The following SMC4 variants were observed in gnomAD, a reference collection of about 807,000 sequenced individuals.
SMC4 encodes structural maintenance of chromosomes protein 4.
Under a neutral mutation model 145.6 loss-of-function variants are expected in SMC4, and 87 were observed. The ratio of observed to expected loss-of-function variants is 0.60; its 90% CI spans 0.50 to 0.71. The LOEUF (loss-of-function observed/expected upper bound fraction) is 0.71. SMC4 is among the 30% of genes least tolerant of loss of function. SMC4 has a pLI of 0.00. For missense variants in SMC4, 1,447 were observed against 1,537.1 expected (o/e 0.94, Z 0.98); for synonymous variants, 558 against 500.7 (o/e 1.11, Z -1.53).
At chr3:160,400,336 C>T (rs1412876522) in intron 1 of SMC4, 1 of 152,484 alleles carries the variant, frequency 6.6e-6, no homozygotes, top group African/African-American at 2.4e-5. Context: ...GGCGGCGAGT[C>T]GCCAGTTAGT....
At chr3:160,403,805 G>GT (rs1335162662) in intron 4 of SMC4, among the ~76,000 whole-genome samples, 2 of 152,122 alleles carry the variant, frequency 1.3e-5, no homozygotes, top group African/African-American at 4.8e-5. Flanking sequence ...TTAAAAATCT[G>GT]TTTAAAAGAA....
intron 18 of SMC4, among the ~76,000 whole-genome samples, chr3:160,430,117 T>C (rs751235932): frequency 3.3e-4 from 50 of 152,132 alleles, no homozygotes; most frequent in South Asian, 6.2e-4. Context: ...AGAAAAAATT[T>C]TAACAAATTG....
rs1202134165 is a variant in SMC4 at position 160,414,261 on chromosome 3, T to C, written c.1122-106T>C. ...AGGAGAGTTTTAGGATCCTGCCTTA[T>C]TAAGAGCCTGGACATATTTATAGAG... is the stretch of plus-strand genomic sequence containing the variant. On this transcript the variant is annotated intron_variant, in intron 8 of 23. Coordinates refer to ENST00000357388, the MANE Select transcript of SMC4 (RefSeq NM_001002800.3). 4 of 933,604 alleles carry C rather than the reference T, an allele frequency of 4.3e-6. No individual in the cohort carries two copies. In the South Asian group the frequency reaches 5.3e-5, roughly 12 times the overall value. 57.8% of individuals were successfully genotyped at this position (933,604 alleles called of 1,614,324 possible).
Position 160,428,855 on chromosome 3 carries a change from A to G in SMC4, c.2708A>G (p.Gln903Arg). The change falls in exon 18 of 24, where the codon CAA becomes CGA. Residue 903 changes from glutamine (Q) to arginine (R), a missense_variant. Coordinates refer to ENST00000357388, the MANE Select transcript of SMC4 (RefSeq NM_001002800.3). ...AATAATCATAAACTCAAGGCCCAAC[A>G]AGACAAACTTGATAAAATAAATAAG... is the stretch of plus-strand genomic sequence containing the variant. ...EINNHKLKAQ[Q>R]DKLDKINKQL... The G allele has an allele frequency of 6.2e-7, 1 of 1,606,826 alleles. No individual in the cohort carries two copies. The highest frequency in any genetic ancestry group is 8.5e-7 in the Non-Finnish European group (1 of 1,178,556).
At chr3:160,420,052 T>G (rs1203679056) in intron 12 of SMC4, among the ~76,000 whole-genome samples, 2 of 152,212 alleles carry the variant, frequency 1.3e-5, no homozygotes, top group Non-Finnish European at 2.9e-5. Flanking sequence ...AATCCAAGGC[T>G]AGCAATAGTG....
intron 6 of SMC4, 53 bp from the exon 7 acceptor site, chr3:160,412,273 C>A (rs1309566194): frequency 8.6e-6 from 13 of 1,511,052 alleles, no homozygotes; most frequent in South Asian, 1.2e-5. Context: ...ATTTTAAGTT[C>A]ATATTGTACA....
chr3:160,433,664 C>CA lies in SMC4; in HGVS notation c.3728dup (p.Asn1243LysfsTer12), dbSNP rs1332161414. On this transcript the variant is annotated frameshift_variant, in exon 24 of 24. Transcript: ENST00000357388. LOFTEE classifies it high-confidence loss of function. ...TTCTTTGTTTCTCTTTAGGAACAAACAAAAAATGCACAGTTCATAATAATT... is the reference window on the plus strand; with the variant it reads ...TTCTTTGTTTCTCTTTAGGAACAAACAAAAAAATGCACAGTTCATAATAATT... 1 of 1,537,578 alleles carries CA rather than the reference C, an allele frequency of 6.5e-7. No individual in the cohort carries two copies. Among genetic ancestry groups the CA allele is most frequent in the Non-Finnish European group, 8.8e-7 (1 of 1,140,984 alleles).
Position 160,414,422 on chromosome 3 carries a change from C to T in SMC4, c.1177C>T (p.Leu393=), listed in dbSNP as rs34070646. The T allele has an allele frequency of 4.1e-4, 654 of 1,609,502 alleles. 4 individuals carry two copies. In the African/African-American group the frequency reaches 7.7e-3, roughly 19 times the overall value. ...GGAGAATAAAGAAAAATTTACACAG[C>T]TAGATTTGGAAGATGTTCAAGTTAG... ...IEENKEKFTQ[L]DLEDVQVREK... Residue 393 remains leucine, a synonymous_variant, in exon 9 of 24, where the codon CTA becomes TTA. Coordinates refer to ENST00000357388, the MANE Select transcript of SMC4 (RefSeq NM_001002800.3).
intron 13 of SMC4, among the ~76,000 whole-genome samples, chr3:160,422,227 G>C (rs554169665): frequency 6.6e-6 from 1 of 152,350 alleles, no homozygotes; most frequent in East Asian, 1.9e-4. Flanking sequence ...ACCTAGGGTA[G>C]AACTGCTGGG....
At chr3:160,426,273 C>T (rs1717786501) in intron 17 of SMC4, 73 bp downstream of exon 17, 2 of 1,105,142 alleles carry the variant, frequency 1.8e-6, no homozygotes, top group Middle Eastern at 2.1e-4. Context: ...ATTTAAGAAG[C>T]AGTAGAATAA....
intron 5 of SMC4, among the ~76,000 whole-genome samples, chr3:160,405,410 C>T (rs994802378): frequency 2.0e-5 from 3 of 151,686 alleles, no homozygotes; most frequent in Non-Finnish European, 4.4e-5. Context: ...TCCAGAATCA[C>T]CGAAGCATAA....
intron 5 of SMC4, among the ~76,000 whole-genome samples, chr3:160,409,265 C>CAAAAAAAAA (rs10547167): frequency 6.5e-4 from 40 of 61,978 alleles, no homozygotes; most frequent in African/African-American, 2.4e-3. Flanking sequence ...AACTCCGTCT[C>CAAAAAAAAA]AAAAAAAAAA....
intron 13 of SMC4, 24 bp from the exon 14 acceptor site, chr3:160,423,401 G>A: frequency 1.2e-6 from 1 of 829,964 alleles, no homozygotes; most frequent in Non-Finnish European, 1.6e-6. Context: ...TGTTGTTTTT[G>A]TTTGTTTGTT....
At chr3:160,406,150 T>C (rs368317293) in intron 5 of SMC4, among the ~76,000 whole-genome samples, 12 of 152,272 alleles carry the variant, frequency 7.9e-5, no homozygotes, top group East Asian at 5.8e-4. Flanking sequence ...TATGGGATGC[T>C]AAAGCCAATT....
chr3:160,412,191 A>C, intron 6 of SMC4, 107 bp downstream of exon 6: 4 of 1,425,172 alleles, frequency 2.8e-6, no homozygotes, highest in East Asian at 4.8e-5. Context: ...AAGAAGTGTT[A>C]TATTGAAATT....
At position 160,419,533 on chromosome 3, in the gene SMC4, A is replaced by G. The variant is rs370193512; in HGVS notation, c.1847A>G (p.Tyr616Cys). 4.1e-5 allele frequency: 66 copies of G among 1,593,468 alleles called. No individual in the cohort carries two copies. The East Asian group carries it at 8.5e-4, about 21-fold the overall frequency. Residue 616 changes from tyrosine to cysteine, a missense_variant, in exon 12 of 24, where the codon TAT (tyrosine) becomes TGT (cysteine). Transcript: ENST00000357388. The part of the protein sequence containing the change: ...EKKSGRIPGI[Y>C]GRLGDLGAID... ...AAATCTGGCAGGATTCCAGGAATAT[A>G]TGGAAGATTGGTAAAGTAGATTTTT...
chr3:160,409,825 G>A (rs750653050), intron 5 of SMC4, among the ~76,000 whole-genome samples: 1 of 152,154 alleles, frequency 6.6e-6, no homozygotes. Flanking sequence ...CCAGCATTTT[G>A]GGAGGCTGAG....
intron 19 of SMC4, 114 bp from the exon 20 acceptor site, chr3:160,430,918 T>C: frequency 7.8e-7 from 1 of 1,284,154 alleles, no homozygotes; most frequent in Non-Finnish European, 1.1e-6. Context: ...AATGCTTAAA[T>C]TATTTTAAAA....
intron 5 of SMC4, among the ~76,000 whole-genome samples, chr3:160,409,961 G>A (rs560425070): frequency 1.3e-5 from 2 of 152,012 alleles, no homozygotes; most frequent in Non-Finnish European, 2.9e-5. Context: ...CTGTAGTCCC[G>A]GCTACTTGGG....
Sources: gnomAD v4.1 joint callset for allele counts (sites outside exome capture counted in the v4.1 genomes callset) on GRCh38, gnomAD v4.1.1 for gene constraint, MANE v1.5 for transcripts, NCBI Gene and HGNC (gene_info 2026-07-23, HGNC 2026-07-21) for gene names.